Variants in NREP observed in about 807,000 individuals in gnomAD.
NREP encodes the protein neuronal regeneration-related protein.
A neutral mutation model predicts 8.6 loss-of-function variants in NREP; 5 were observed. That is an observed-to-expected ratio of 0.58 (90% CI 0.30 to 1.22). The LOEUF (loss-of-function observed/expected upper bound fraction) is 1.22. NREP is among the 50% of genes most tolerant of loss of function. The pLI is 0.07. For missense variants in NREP, 86 were observed against 82.5 expected, an observed-to-expected ratio of 1.04 and a Z score of -0.17; for synonymous variants, 27 against 28.0, an observed-to-expected ratio of 0.96 and a Z score of 0.11.
At chr5:111,744,193 C>T (rs1749856801) in intron 2 of NREP, among the ~76,000 whole-genome samples, 1 of 152,124 alleles carries the variant, frequency 6.6e-6, no homozygotes, top group African/African-American at 2.4e-5. Context: ...ATCAATGTAT[C>T]CTCTTCTACT....
chr5:111,740,710 T>C (rs948247850), intron 2 of NREP, among the ~76,000 whole-genome samples: 2 of 152,184 alleles, frequency 1.3e-5, no homozygotes, highest in African/African-American at 4.8e-5. Context: ...TCAAACACTT[T>C]TTAAGCTTTT....
intron 2 of NREP, among the ~76,000 whole-genome samples, chr5:111,802,833 G>C (rs1036871129): frequency 2.6e-5 from 4 of 152,208 alleles, no homozygotes; most frequent in African/African-American, 7.2e-5. Flanking sequence ...AGAATATTTA[G>C]TGGGTTGCAA....
In NREP at chr5:111,875,634, A is replaced by G. The variant is rs574863560; in HGVS notation, c.135+99640T>C. On this transcript the variant is annotated intron_variant, in intron 2 of 3. Transcript: ENST00000395634. ...AACAGTATTACAATTTAAAAACATCATTCAGAAACAATCAAGCTAACCTAG... is the reference window on the plus strand; with the variant it reads ...AACAGTATTACAATTTAAAAACATCGTTCAGAAACAATCAAGCTAACCTAG... 4.6e-5 allele frequency among the ~76,000 whole-genome samples: 7 copies of G among 152,326 alleles called. No homozygotes were observed. In the East Asian group the frequency reaches 1.3e-3, roughly 29 times the overall value.
rs116226962 is a variant in NREP, at chr5:111,834,124, C to G, written c.136-98617G>C. ...TGGAGTAGAAAACTAGAGCAAATGC[C>G]AGGAGATTCTAGAGCAAATGCTGGG... On this transcript the variant is annotated intron_variant, in intron 2 of 3. Transcript: ENST00000395634. Among the ~76,000 whole-genome samples, 339 of 152,228 alleles carry G rather than the reference C, an allele frequency of 2.2e-3. 1 individual carries two copies. The highest frequency in any genetic ancestry group is 3.3e-3 in the Non-Finnish European group (226 of 68,012).
At chr5:111,913,231 C>G (rs548248670) in intron 2 of NREP, among the ~76,000 whole-genome samples, 1 of 152,180 alleles carries the variant, frequency 6.6e-6, no homozygotes, top group African/African-American at 2.4e-5. Flanking sequence ...CCATGTCACT[C>G]TAATTTCAAA....
chr5:111,820,111 G>A (rs576682784), intron 2 of NREP, among the ~76,000 whole-genome samples: 3 of 120,656 alleles, frequency 2.5e-5, no homozygotes, highest in East Asian at 4.2e-4. Context: ...TGCTAAGTCC[G>A]TAGAGAGAGA....
chr5:111,972,598 A>C (rs1756852877), intron 2 of NREP, among the ~76,000 whole-genome samples: 1 of 152,198 alleles, frequency 6.6e-6, no homozygotes, highest in South Asian at 2.1e-4. Context: ...TGCACAAGTC[A>C]AAGGGATGGG....
intron 2 of NREP, among the ~76,000 whole-genome samples, chr5:111,863,587 A>T (rs1386242191): frequency 6.6e-6 from 1 of 152,144 alleles, no homozygotes; most frequent in African/African-American, 2.4e-5. Flanking sequence ...TGAGGGCAGG[A>T]TAATAAAACA....
intron 2 of NREP, among the ~76,000 whole-genome samples, chr5:111,894,238 ATAAT>A (rs1028262959): frequency 6.6e-5 from 10 of 152,002 alleles, no homozygotes; most frequent in African/African-American, 2.4e-4. Context: ...AAAAATAATA[ATAAT>A]TAATAATAAA....
intron 2 of NREP, among the ~76,000 whole-genome samples, chr5:111,812,285 T>A (rs1752288403): frequency 6.6e-6 from 1 of 151,718 alleles, no homozygotes; most frequent in African/African-American, 2.4e-5. Context: ...AGACCCTGTC[T>A]CAAACAAACA....
intron 2 of NREP, among the ~76,000 whole-genome samples, chr5:111,944,019 T>C (rs536682743): frequency 3.9e-5 from 6 of 152,146 alleles, no homozygotes; most frequent in African/African-American, 1.2e-4. Context: ...TTCAAATTTG[T>C]ACCCTAGTTT....
intron 2 of NREP, among the ~76,000 whole-genome samples, chr5:111,799,703 C>T (rs1751957203): frequency 6.6e-6 from 1 of 152,312 alleles, no homozygotes; most frequent in Middle Eastern, 3.4e-3. Context: ...CGATTTAAGG[C>T]TGCCTAGAGG....
At position 111,729,714 on chromosome 5, in the gene NREP, C is replaced by G. The variant is rs1748380244; in HGVS notation, c.*1207G>C. ...TCAGACTGGCTAACACAACAACATT[C>G]CATGAGTAGATGGTAATTTATTTTT... is the stretch of plus-strand genomic sequence containing the variant. On this transcript the variant is annotated 3_prime_UTR_variant, in exon 4 of 4. Coordinates refer to ENST00000257435, the MANE Select transcript of NREP (RefSeq NM_004772.4). The G allele has an allele frequency of 6.6e-6, 1 of 152,588 alleles. No homozygotes were observed. The highest frequency in any genetic ancestry group is 2.4e-5 in the African/African-American group (1 of 41,442). The allele number at this position is 152,588 out of a possible 1,614,324, so 9.5% of individuals were successfully genotyped here.
intron 2 of NREP, among the ~76,000 whole-genome samples, chr5:111,918,805 A>C (rs1259494365): frequency 6.6e-5 from 10 of 152,188 alleles, no homozygotes; most frequent in African/African-American, 1.9e-4. Context: ...GCATGGGCAA[A>C]GACTTCGTGA....
At chr5:111,903,984 C>A (rs184432420) in intron 2 of NREP, among the ~76,000 whole-genome samples, 2 of 152,162 alleles carry the variant, frequency 1.3e-5, no homozygotes, top group Admixed American at 1.3e-4. Flanking sequence ...AGTAATTTGT[C>A]TATACAAATT....
At chr5:111,856,776 T>C (rs961694013) in intron 2 of NREP, among the ~76,000 whole-genome samples, 1 of 152,132 alleles carries the variant, frequency 6.6e-6, no homozygotes, top group African/African-American at 2.4e-5. Flanking sequence ...TTTGATGACT[T>C]GCTTCAGAGA....
chr5:111,888,355 A>T (rs1263494381), intron 2 of NREP, among the ~76,000 whole-genome samples: 1 of 151,618 alleles, frequency 6.6e-6, no homozygotes, highest in Non-Finnish European at 1.5e-5. Flanking sequence ...GGGGGGTCTC[A>T]GGAAACTTAC....
intron 2 of NREP, among the ~76,000 whole-genome samples, chr5:111,880,080 A>G (rs1035727602): frequency 2.4e-4 from 36 of 152,290 alleles, no homozygotes; most frequent in East Asian, 1.4e-3. Flanking sequence ...TGGATCCAAA[A>G]TTCAGAGCAT....
At position 111,771,394 on chromosome 5, in the gene NREP, A is replaced by C. The variant is rs1751222788; in HGVS notation, c.136-35887T>G. On this transcript the variant is annotated intron_variant, in intron 2 of 3. Coordinates refer to the NREP transcript ENST00000395634. ...AATGACAGAGACAGGATTTGAAAGC[A>C]GAACTGCCTGGTGAGAGGCTTCATA... Among the ~76,000 whole-genome samples the C allele has an allele frequency of 4.6e-5, 7 of 151,960 alleles. No individual in the cohort carries two copies. The South Asian group carries it at 1.5e-3, about 32-fold the overall frequency.
Sources: gnomAD v4.1 joint callset for allele counts (sites outside exome capture counted in the v4.1 genomes callset) on GRCh38, gnomAD v4.1.1 for gene constraint, MANE v1.5 for transcripts, NCBI Gene and HGNC (gene_info 2026-07-23, HGNC 2026-07-21) for gene names.